Variants in KDM3B observed in about 807,000 individuals in gnomAD.
The protein encoded by KDM3B is lysine-specific demethylase 3B.
KDM3B carries 10 observed loss-of-function variants against 170.0 expected under a neutral mutation model. That is an observed-to-expected ratio of 0.06 (90% confidence interval 0.04 to 0.10). The LOEUF (loss-of-function observed/expected upper bound fraction) is 0.10, where lower values mean the gene tolerates loss of function less well. Among genes scored for constraint, KDM3B ranks in the 10% least tolerant of loss-of-function variants. The pLI is 1.00. For synonymous variants in KDM3B, 831 were observed against 834.8 expected, an observed-to-expected ratio of 1.00 and a Z score of 0.08; for missense variants, 1,394 against 2,195.2, an observed-to-expected ratio of 0.64 and a Z score of 7.29.
chr5:138,430,592 TA>T lies in KDM3B; in HGVS notation c.5070+173del, dbSNP rs1409178233. ...CTTCCTTGTAACATTAAGGCTCATT[TA>T]AAAAATTTTAAACAGGGCGGTCCTG... is the stretch of plus-strand genomic sequence containing the variant. On this transcript the variant is annotated intron_variant, in intron 22 of 23. Coordinates refer to ENST00000314358, the MANE Select transcript of KDM3B (RefSeq NM_016604.4). Among the ~76,000 whole-genome samples, 4 of 152,194 alleles carry T rather than the reference TA, an allele frequency of 2.6e-5. No homozygotes were observed. In the South Asian group the frequency reaches 6.2e-4, roughly 24 times the overall value.
rs756312266 is a variant in KDM3B, at chr5:138,431,556, G to T, written c.5202G>T (p.Leu1734=). ...SNTHTNHEDK[L]QVKNIIYHAV... is the part of the protein sequence containing the mutation. ...CTCATACAAATCATGAGGATAAACT[G>T]CAGGTAAATAACTCCTCCCTCTACC... Residue 1734 remains leucine (L), a synonymous_variant, in exon 23 of 24, where the codon CTG becomes CTT. Coordinates refer to ENST00000314358, the MANE Select transcript of KDM3B (RefSeq NM_016604.4). 22 of 1,601,860 alleles carry T rather than the reference G, an allele frequency of 1.4e-5. No individual in the cohort carries two copies. Among genetic ancestry groups the T allele is most frequent in the Non-Finnish European group, 1.9e-5 (22 of 1,175,432 alleles).
intron 11 of KDM3B, among the ~76,000 whole-genome samples, chr5:138,407,066 A>T (rs921409445): frequency 6.8e-6 from 1 of 147,754 alleles, no homozygotes; most frequent in African/African-American, 2.5e-5. Context: ...GCCCACTGCA[A>T]CCTCCATCTC....
At chr5:138,387,804 A>G (rs540041176) in intron 7 of KDM3B, among the ~76,000 whole-genome samples, 24 of 152,306 alleles carry the variant, frequency 1.6e-4, no homozygotes, top group East Asian at 5.8e-4. Flanking sequence ...CATGTTGGCC[A>G]GGCACAGTAG....
At chr5:138,404,598 G>C (rs1455613800) in intron 11 of KDM3B, among the ~76,000 whole-genome samples, 1 of 150,570 alleles carries the variant, frequency 6.6e-6, no homozygotes, top group East Asian at 2.0e-4. Context: ...TTGCACTTCA[G>C]CCTGGGCAGC....
chr5:138,393,081 T>G, intron 8 of KDM3B, 90 bp from the exon 9 acceptor site: 1 of 1,225,256 alleles, frequency 8.2e-7, no homozygotes, highest in Non-Finnish European at 1.2e-6. Context: ...GCAACCCAGG[T>G]CAGAACAAAT....
intron 13 of KDM3B, 75 bp downstream of exon 13, chr5:138,417,685 C>G (rs187678089): frequency 6.8e-7 from 1 of 1,465,210 alleles, no homozygotes; most frequent in East Asian, 2.3e-5. Context: ...CTTTTCAACT[C>G]TGTTATGCCA....
At chr5:138,431,088 A>G (rs79490204) in intron 22 of KDM3B, among the ~76,000 whole-genome samples, 3,826 of 151,948 alleles carry the variant, frequency 0.025, 171 homozygotes, top group African/African-American at 0.086. Flanking sequence ...TGATATTTTT[A>G]TGTATTTCTT....
intron 11 of KDM3B, among the ~76,000 whole-genome samples, chr5:138,412,301 A>G (rs940946011): frequency 1.3e-5 from 2 of 151,526 alleles, no homozygotes; most frequent in African/African-American, 4.8e-5. Flanking sequence ...GCACCACTGC[A>G]CTCCAGCCTG....
At chr5:138,400,539 G>A (rs1246051059) in intron 11 of KDM3B, among the ~76,000 whole-genome samples, 1 of 152,000 alleles carries the variant, frequency 6.6e-6, no homozygotes, top group Non-Finnish European at 1.5e-5. Context: ...TGAGGCCGGG[G>A]GTTTGAGACC....
At chr5:138,400,797 C>T in intron 11 of KDM3B, among the ~76,000 whole-genome samples, 1 of 152,016 alleles carries the variant, frequency 6.6e-6, no homozygotes, top group Non-Finnish European at 1.5e-5. Context: ...TATCTAATTC[C>T]ATTTTCATCA....
Position 138,386,377 on chromosome 5 carries a change from C to G in KDM3B, c.1136C>G (p.Pro379Arg). ...GATGAGCCTGTAGGTGGGGACACAC[C>G]TGCATCTTTCACTCCATATTCTACA... ...VQDEPVGGDTPASFTPYSTAT... is the reference protein window; with the variant it reads ...VQDEPVGGDTRASFTPYSTAT... Residue 379 changes from proline (P) to arginine (R), a missense_variant, in exon 7 of 24, where the codon CCT becomes CGT. Around this residue, in one of 19 missense-constraint regions of KDM3B, gnomAD observed 205 missense variants for 227.6 expected, o/e 0.90. Coordinates refer to ENST00000314358, the MANE Select transcript of KDM3B (RefSeq NM_016604.4). 1 of 1,614,218 alleles carries G rather than the reference C, an allele frequency of 6.2e-7. No homozygotes were observed. Among genetic ancestry groups the G allele is most frequent in the Non-Finnish European group, 8.5e-7 (1 of 1,180,038 alleles).
chr5:138,358,879 G>A (rs1761525071), intron 1 of KDM3B, among the ~76,000 whole-genome samples: 1 of 151,136 alleles, frequency 6.6e-6, no homozygotes, highest in Non-Finnish European at 1.5e-5. Flanking sequence ...TGCCATGCTG[G>A]TGTGCTGCAC....
intron 1 of KDM3B, among the ~76,000 whole-genome samples, chr5:138,358,328 G>A (rs1188081880): frequency 4.5e-5 from 5 of 111,784 alleles, no homozygotes; most frequent in Admixed American, 1.2e-4. Context: ...TTTTTGAGAC[G>A]GAGTCTTGTT....
At chr5:138,396,604 G>T (rs1366767330) in intron 9 of KDM3B, among the ~76,000 whole-genome samples, 1 of 152,140 alleles carries the variant, frequency 6.6e-6, no homozygotes, top group East Asian at 1.9e-4. Flanking sequence ...GGATGTAGTA[G>T]GAGATACTGG....
At position 138,420,765 on chromosome 5, in the gene KDM3B, T is replaced by C; in HGVS notation, c.3775T>C (p.Ser1259Pro). Residue 1259 changes from serine (S) to proline (P), a missense_variant, in exon 15 of 24, where the codon TCG becomes CCG. Coordinates refer to ENST00000314358, the MANE Select transcript of KDM3B (RefSeq NM_016604.4). Reference sequence around the variant, plus strand: ...GTCTCATTCACCCTTTGGGCTGGACTCGTTCAACTCCACTGCAAAGGTCTC... The same window carrying C: ...GTCTCATTCACCCTTTGGGCTGGACCCGTTCAACTCCACTGCAAAGGTCTC... ...KESHSPFGLD[S>P]FNSTAKVSPL... The C allele has an allele frequency of 6.2e-7, 1 of 1,614,168 alleles. No individual in the cohort carries two copies. Among genetic ancestry groups the C allele is most frequent in the African/African-American group, 1.3e-5 (1 of 75,034 alleles).
intron 1 of KDM3B, among the ~76,000 whole-genome samples, chr5:138,360,265 T>G (rs1268956661): frequency 2.0e-5 from 3 of 152,242 alleles, no homozygotes; most frequent in African/African-American, 4.8e-5. Context: ...GAGTGATACC[T>G]TGATACTTAT....
chr5:138,434,874 T>A (rs1763634952), intron 23 of KDM3B, among the ~76,000 whole-genome samples: 1 of 152,180 alleles, frequency 6.6e-6, no homozygotes, highest in Non-Finnish European at 1.5e-5. Context: ...AAGAAGGACT[T>A]GGATGCCCAT....
chr5:138,387,276 C>G (rs1489889116), intron 7 of KDM3B, among the ~76,000 whole-genome samples: 1 of 152,060 alleles, frequency 6.6e-6, no homozygotes, highest in Non-Finnish European at 1.5e-5. Flanking sequence ...CTCCCTAATC[C>G]AAAATATCAA....
Position 138,391,886 on chromosome 5 carries a change from G to T in KDM3B, c.2254G>T (p.Val752Leu). Residue 752 changes from valine to leucine, a missense_variant, in exon 8 of 24, where the codon GTG becomes TTG. By Grantham distance (32) the Val-to-Leu change is conservative. This residue lies in a region of KDM3B where 294 missense variants were observed against 311.7 expected (regional missense o/e 0.94). Transcript: ENST00000314358. This position sits in a 1 kb window ranked among gnomAD's most constrained non-coding sequence, Gnocchi z 5.0. Reference protein sequence around the residue: ...SSSPTEERPTVGPGQQDNPLL... With the variant: ...SSSPTEERPTLGPGQQDNPLL... ...TAGCCCCACAGAGGAGAGGCCAACTGTGGGGCCTGGGCAGCAGGACAATCC... is the reference window on the plus strand; with the variant it reads ...TAGCCCCACAGAGGAGAGGCCAACTTTGGGGCCTGGGCAGCAGGACAATCC... 6.2e-7 allele frequency: 1 copy of T among 1,614,066 alleles called. No homozygotes were observed. The highest frequency in any genetic ancestry group is 8.5e-7 in the Non-Finnish European group (1 of 1,179,928).
Sources: allele counts gnomAD v4.1 joint callset (sites outside exome capture counted in the v4.1 genomes callset), GRCh38; gene constraint gnomAD v4.1.1; regional missense constraint gnomAD v4.1.1; non-coding constraint Gnocchi (gnomAD v3.1); transcripts MANE v1.5; gene names NCBI Gene and HGNC (gene_info 2026-07-23, HGNC 2026-07-21).